Variants in STK33 observed in about 807,000 individuals in gnomAD.
The protein encoded by STK33 is serine/threonine-protein kinase 33.
In STK33, 52 loss-of-function variants were observed where a neutral mutation model predicts 58.0. That is an observed-to-expected ratio of 0.90 (90% confidence interval 0.72 to 1.13). STK33 has a LOEUF of 1.13. Ranked by LOEUF, STK33 falls within the 50% of genes most tolerant of loss-of-function variation. STK33 has a pLI of 0.00. For missense variants in STK33, 630 were observed against 604.2 expected (o/e 1.04, Z -0.45); for synonymous variants, 215 against 200.1 (o/e 1.07, Z -0.63).
intron 1 of STK33, among the ~76,000 whole-genome samples, chr11:8,543,208 A>G (rs915384329): frequency 6.6e-6 from 1 of 152,214 alleles, no homozygotes; most frequent in Non-Finnish European, 1.5e-5. Flanking sequence ...AATCTAAAAG[A>G]GGGACGCATA....
chr11:8,543,850 G>A (rs1187387887), intron 1 of STK33, among the ~76,000 whole-genome samples: 1 of 151,874 alleles, frequency 6.6e-6, no homozygotes, highest in Non-Finnish European at 1.5e-5. Context: ...AATATCTCAT[G>A]GACCCCATAA....
chr11:8,577,458 T>A (rs1330429038), intron 1 of STK33, among the ~76,000 whole-genome samples: 2 of 152,184 alleles, frequency 1.3e-5, no homozygotes, highest in Admixed American at 1.3e-4. Flanking sequence ...ATTTAGTATT[T>A]ATGCTACATG....
intron 14 of STK33, among the ~76,000 whole-genome samples, chr11:8,431,995 G>A (rs1390820903): frequency 1.3e-5 from 2 of 152,048 alleles, no homozygotes; most frequent in Non-Finnish European, 2.9e-5. Context: ...CTTATACATA[G>A]GTTGTTTTCC....
intron 1 of STK33, among the ~76,000 whole-genome samples, chr11:8,493,558 A>G (rs1045241142): frequency 6.6e-6 from 1 of 152,226 alleles, no homozygotes; most frequent in Admixed American, 6.5e-5. Flanking sequence ...AACGATTTCA[A>G]TCAATAGAAA....
At chr11:8,463,941 T>A (rs896311113) in intron 7 of STK33, among the ~76,000 whole-genome samples, 1 of 152,236 alleles carries the variant, frequency 6.6e-6, no homozygotes, top group African/African-American at 2.4e-5. Flanking sequence ...AAGATTGATA[T>A]GTTACCTTAC....
intron 11 of STK33, among the ~76,000 whole-genome samples, chr11:8,444,912 T>C (rs972819564): frequency 6.6e-6 from 1 of 152,202 alleles, no homozygotes; most frequent in Non-Finnish European, 1.5e-5. Flanking sequence ...AGTAGTTTTT[T>C]CCAATTCTGT....
At chr11:8,539,793 C>T (rs759953064) in intron 1 of STK33, among the ~76,000 whole-genome samples, 2 of 152,136 alleles carry the variant, frequency 1.3e-5, no homozygotes, top group Non-Finnish European at 2.9e-5. Context: ...ACATTACACC[C>T]TTAATAGCTA....
the STK33 span, among the ~76,000 whole-genome samples, chr11:8,372,754 C>A: frequency 6.6e-6 from 1 of 152,236 alleles, no homozygotes; most frequent in Non-Finnish European, 1.5e-5. Context: ...CTTAAGACAG[C>A]ATCCAAGGGC....
chr11:8,338,122 T>C, the STK33 span, among the ~76,000 whole-genome samples: 2 of 152,326 alleles, frequency 1.3e-5, no homozygotes, highest in East Asian at 3.9e-4. Context: ...GTACTTAGAA[T>C]AGTGCTCAGT....
At chr11:8,518,365 C>T (rs936173649) in intron 1 of STK33, among the ~76,000 whole-genome samples, 12 of 152,124 alleles carry the variant, frequency 7.9e-5, no homozygotes, top group African/African-American at 2.4e-4. Context: ...AAGGAACAAC[C>T]GGTACCAGCC....
At chr11:8,489,051 G>T (rs1019529894) in intron 1 of STK33, among the ~76,000 whole-genome samples, 1 of 151,998 alleles carries the variant, frequency 6.6e-6, no homozygotes, top group Admixed American at 6.6e-5. Context: ...TTGATCCCAG[G>T]AGTTCAAGAC....
At chr11:8,370,768 A>G in the STK33 span, among the ~76,000 whole-genome samples, 3 of 152,150 alleles carry the variant, frequency 2.0e-5, no homozygotes, top group Non-Finnish European at 4.4e-5. Context: ...CAGCCACCCA[A>G]GGCACTGCCA....
chr11:8,388,917 G>A (rs1848580927), downstream of STK33, among the ~76,000 whole-genome samples: 1 of 152,102 alleles, frequency 6.6e-6, no homozygotes, highest in Admixed American at 6.5e-5. Flanking sequence ...CCACCCAGGT[G>A]AATCTCTTTG....
rs190356862 is a variant in STK33, at chr11:8,414,758, G to A, written c.1147-1066C>T. 1.4e-4 allele frequency among the ~76,000 whole-genome samples: 21 copies of A among 152,158 alleles called. No homozygotes were observed. In the East Asian group the frequency reaches 3.1e-3, roughly 22 times the overall value. ...TTAAGAAGCTCAGTACTCCTACCAC[G>A]TTCATAACATCCCATTACACCTTAC... On this transcript the variant is annotated intron_variant, in intron 14 of 15. Transcript: ENST00000687296.
intron 1 of STK33, among the ~76,000 whole-genome samples, chr11:8,500,609 C>T (rs896043003): frequency 6.6e-6 from 1 of 152,140 alleles, no homozygotes; most frequent in Non-Finnish European, 1.5e-5. Context: ...AATCAATACT[C>T]CCCAAACTGA....
chr11:8,536,222 A>G (rs1326239586), intron 1 of STK33, among the ~76,000 whole-genome samples: 2 of 152,206 alleles, frequency 1.3e-5, no homozygotes, highest in African/African-American at 2.4e-5. Flanking sequence ...ACAAAAATGT[A>G]TTGTACTCAG....
intron 1 of STK33, among the ~76,000 whole-genome samples, chr11:8,495,337 T>C (rs947866209): frequency 6.6e-6 from 1 of 151,956 alleles, no homozygotes; most frequent in African/African-American, 2.4e-5. Flanking sequence ...CCAACAAACA[T>C]ATGAAAAAAA....
chr11:8,415,204 G>C (rs1940942833), intron 14 of STK33, among the ~76,000 whole-genome samples: 1 of 152,084 alleles, frequency 6.6e-6, no homozygotes, highest in African/African-American at 2.4e-5. Context: ...CTAGCAGAAA[G>C]TGACAATCTG....
At chr11:8,524,305 C>T (rs10840068) in intron 1 of STK33, among the ~76,000 whole-genome samples, 8,627 of 151,458 alleles carry the variant, frequency 0.057, 434 homozygotes, top group African/African-American at 0.15. Flanking sequence ...CACCCAAGAA[C>T]GATCAATAAA....
Sources: gnomAD v4.1 joint callset for allele counts (sites outside exome capture counted in the v4.1 genomes callset) on GRCh38, gnomAD v4.1.1 for gene constraint, MANE v1.5 for transcripts, NCBI Gene and HGNC (gene_info 2026-07-23, HGNC 2026-07-21) for gene names.